The following SSB variants were observed in gnomAD, a reference collection of about 807,000 sequenced individuals.
SSB encodes the protein lupus La protein.
A neutral mutation model predicts 52.9 loss-of-function variants in SSB; 17 were observed. The observed-to-expected ratio is 0.32, with a 90% confidence interval of 0.22 to 0.48. SSB has a LOEUF of 0.48. Among genes scored for constraint, SSB ranks in the 20% least tolerant of loss-of-function variants. The pLI is 0.99. For missense variants in SSB, 314 were observed against 463.6 expected (o/e 0.68, Z 2.96); for synonymous variants, 111 against 152.1 (o/e 0.73, Z 1.99).
chr2:169,806,140 A>G (rs1488927343), intron 4 of SSB: 2 of 333,724 alleles, frequency 6.0e-6, no homozygotes, highest in Non-Finnish European at 1.2e-5. Context: ...CTGGCAAAAA[A>G]TTTTTTGTAG....
rs1558973949 is a variant in SSB, at chr2:169,811,652, AATTGT to A, written c.1139-15_1139-11del. The A allele has an allele frequency of 6.2e-7, 1 of 1,600,876 alleles. No homozygotes were observed. Among genetic ancestry groups the A allele is most frequent in the South Asian group, 1.1e-5 (1 of 88,542 alleles). On this transcript the variant is annotated splice_polypyrimidine_tract_variant and intron_variant, in intron 11 of 11. Transcript: ENST00000260956. ...ACTTACGTTGAATTTAACAAAAATT[AATTGT>A]TACGTTATAGGACCTGTGAAAAGAG...
At position 169,811,969 on chromosome 2, in the gene SSB, A is replaced by G; in HGVS notation, c.*213A>G. 1 of 1,251,756 alleles carries G rather than the reference A, an allele frequency of 8.0e-7. No homozygotes were observed. The highest frequency in any genetic ancestry group is 1.1e-6 in the Non-Finnish European group (1 of 890,800). 77.5% of individuals were successfully genotyped at this position (1,251,756 alleles called of 1,614,324 possible). A position where few individuals can be genotyped will look rare whatever the true frequency, so the allele number is the denominator to read the frequency against. ...TGTTATTTCAGATGATTCAAATATC[A>G]AAAGGAAGATTCTTCCATTAAATTG... is the stretch of plus-strand genomic sequence containing the variant. On this transcript the variant is annotated 3_prime_UTR_variant, in exon 12 of 12. Transcript: ENST00000260956.
In SSB at chr2:169,808,516, AAAC is replaced by A. The variant is rs778215203; in HGVS notation, c.592_594del (p.Gln198del). 2.5e-6 allele frequency: 4 copies of A among 1,613,750 alleles called. No individual in the cohort carries two copies. Among genetic ancestry groups the A allele is most frequent in the Non-Finnish European group, 3.4e-6 (4 of 1,179,738 alleles). On this transcript the variant is annotated inframe_deletion, in exon 7 of 12. Transcript: ENST00000260956. ...CTTTGCCAAAAAAAATGAAGAAAGA[AAAC>A]AAAATAAAGTGGAAGCTAAATTAAG...
At position 169,810,442 on chromosome 2, in the gene SSB, C is replaced by G; in HGVS notation, c.810+19C>G. On this transcript the variant is annotated intron_variant, in intron 9 of 11. Transcript: ENST00000260956. ...AAAAGAGGTTTGGATACATCCCTAT[C>G]CTTTTTAGCAATCAGTTTGAAAATC... The G allele has an allele frequency of 6.4e-7, 1 of 1,571,910 alleles. No homozygotes were observed. Among genetic ancestry groups the G allele is most frequent in the East Asian group, 2.3e-5 (1 of 43,604 alleles).
At chr2:169,803,012 A>G (rs1689743889) in intron 2 of SSB, among the ~76,000 whole-genome samples, 1 of 152,242 alleles carries the variant, frequency 6.6e-6, no homozygotes, top group African/African-American at 2.4e-5. Flanking sequence ...TCTTCAAGGA[A>G]AATTCTTAGA....
chr2:169,810,969 G>A lies in SSB; in HGVS notation c.922G>A (p.Gly308Arg), dbSNP rs1689938399. The stretch of plus-strand genomic sequence containing the variant: ...AGAAGTGACTTGGGAAGTACTAGAA[G>A]GAGAGGTGGAAAAAGAAGCACTGAA... ...NKEVTWEVLEGEVEKEALKKI... is the reference protein window; with the variant it reads ...NKEVTWEVLEREVEKEALKKI... Residue 308 changes from glycine to arginine, a missense_variant, in exon 10 of 12, where the codon GGA becomes AGA. Transcript: ENST00000260956. 1 of 1,613,380 alleles carries A rather than the reference G, an allele frequency of 6.2e-7. No individual in the cohort carries two copies. The highest frequency in any genetic ancestry group is 1.7e-5 in the Admixed American group (1 of 59,914).
chr2:169,811,769 A>G lies in SSB; in HGVS notation c.*13A>G, dbSNP rs200380538. 2,769 of 1,613,018 alleles carry G rather than the reference A, an allele frequency of 1.7e-3. 9 individuals carry two copies. The highest frequency in any genetic ancestry group is 5.1e-3 in the Middle Eastern group (31 of 6,044). On this transcript the variant is annotated 3_prime_UTR_variant, in exon 12 of 12. Coordinates refer to ENST00000260956, the MANE Select transcript of SSB (RefSeq NM_003142.5). ...TGGAGACCAGTAGTTTAGTAAACCA[A>G]TTTTTTATTCATTTTAAATAGGTTT...
In SSB at chr2:169,808,515, A is replaced by G. The variant is rs1285132279; in HGVS notation, c.588A>G (p.Arg196=). The G allele has an allele frequency of 3.7e-6, 6 of 1,613,776 alleles. No homozygotes were observed. The change falls in exon 7 of 12, where the codon AGA becomes AGG. Residue 196 remains arginine (R), a synonymous_variant. Coordinates refer to ENST00000260956, the MANE Select transcript of SSB (RefSeq NM_003142.5). ...ACTTTGCCAAAAAAAATGAAGAAAG[A>G]AAACAAAATAAAGTGGAAGCTAAAT... ...DDYFAKKNEE[R]KQNKVEAKLR...
chr2:169,801,004 C>T lies in SSB; in HGVS notation c.44C>T (p.Ala15Val). 1 of 1,598,354 alleles carries T rather than the reference C, an allele frequency of 6.3e-7. No individual in the cohort carries two copies. Among genetic ancestry groups the T allele is most frequent in the Non-Finnish European group, 8.5e-7 (1 of 1,173,830 alleles). Residue 15 changes from alanine to valine, a missense_variant, in exon 2 of 12, where the codon GCC (alanine) becomes GTC (valine). Coordinates refer to ENST00000260956, the MANE Select transcript of SSB (RefSeq NM_003142.5). Reference sequence around the variant, plus strand: ...AATGAAAAGATGGCTGCCCTGGAGGCCAAAATCTGTCATCAAATTGAGGTA... The same window carrying T: ...AATGAAAAGATGGCTGCCCTGGAGGTCAAAATCTGTCATCAAATTGAGGTA... ...GDNEKMAALE[A>V]KICHQIEYYF...
rs547168396 is a variant in SSB, at chr2:169,809,255, C to A, written c.669+353C>A. Among the ~76,000 whole-genome samples the A allele has an allele frequency of 7.2e-5, 11 of 152,252 alleles. No individual in the cohort carries two copies. In the South Asian group the frequency reaches 1.0e-3, roughly 14 times the overall value. On this transcript the variant is annotated intron_variant, in intron 8 of 11. Transcript: ENST00000260956. ...AATTAGCCAGGCGTGGTGGTGCATG[C>A]CTGTAATCCCAGCTATGTGGGAGGC...
intron 8 of SSB, among the ~76,000 whole-genome samples, chr2:169,809,301 A>T (rs1689895679): frequency 6.6e-6 from 1 of 152,216 alleles, no homozygotes. Context: ...GAATCACTTG[A>T]ACCCAGGAGG....
intron 2 of SSB, among the ~76,000 whole-genome samples, chr2:169,802,155 G>A (rs12615405): frequency 0.058 from 8,851 of 152,170 alleles, 303 homozygotes; most frequent in East Asian, 0.1. Flanking sequence ...CTGCACTCCA[G>A]CCTGGATGAC....
chr2:169,810,743 C>A, intron 9 of SSB, 115 bp from the exon 10 acceptor site: 2 of 1,036,642 alleles, frequency 1.9e-6, no homozygotes, highest in Non-Finnish European at 2.8e-6. Flanking sequence ...AAAATTCATT[C>A]AAACTGGTAA....
rs1280865189 is a variant in SSB, at chr2:169,806,957, C to T, written c.454-14C>T. The T allele has an allele frequency of 1.9e-6, 3 of 1,610,876 alleles. No homozygotes were observed. The highest frequency in any genetic ancestry group is 2.5e-6 in the Non-Finnish European group (3 of 1,179,012). ...GGACATAACTTAAAAAAATATTTTC[C>T]TTCCTTTTTACAGGGATCAATTTTT... On this transcript the variant is annotated splice_polypyrimidine_tract_variant and intron_variant, in intron 5 of 11. Coordinates refer to ENST00000260956, the MANE Select transcript of SSB (RefSeq NM_003142.5).
chr2:169,805,344 A>G, intron 2 of SSB, 130 bp from the exon 3 acceptor site: 1 of 630,026 alleles, frequency 1.6e-6, no homozygotes, highest in Non-Finnish European at 2.7e-6. Context: ...ATTATTGTAT[A>G]TTTGGGGAAA....
rs1449545381 is a variant in SSB at position 169,805,689 on chromosome 2, T to C, written c.195T>C (p.Phe65=). The change falls in exon 4 of 12, where the codon TTT becomes TTC. Residue 65 remains phenylalanine, a synonymous_variant. Coordinates refer to ENST00000260956, the MANE Select transcript of SSB (RefSeq NM_003142.5). ...GGTTGAACCGTCTAACAACAGACTT[T>C]AATGTAATTGTGGAAGCATTGAGCA... is the stretch of plus-strand genomic sequence containing the variant. The part of the protein sequence containing the change: ...FNRLNRLTTD[F]NVIVEALSKS... 1.9e-6 allele frequency: 3 copies of C among 1,614,114 alleles called. No homozygotes were observed. Among genetic ancestry groups the C allele is most frequent in the Admixed American group, 3.3e-5 (2 of 60,024 alleles).
chr2:169,806,626 T>G, intron 4 of SSB, 159 bp from the exon 5 acceptor site: 3 of 574,966 alleles, frequency 5.2e-6, no homozygotes, highest in Non-Finnish European at 6.2e-6. Context: ...TGGAGAGTAG[T>G]GGCTCCTAAA....
chr2:169,811,799 C>T lies in SSB; in HGVS notation c.*43C>T, dbSNP rs766576870. The T allele has an allele frequency of 6.5e-5, 105 of 1,613,516 alleles. No homozygotes were observed. Among genetic ancestry groups the T allele is most frequent in the East Asian group, 4.5e-5 (2 of 44,842 alleles). ...TTATTCATTTTAAATAGGTTTTAAA[C>T]GACTTTTGTTTGCGGGGCTTTTAAA... On this transcript the variant is annotated 3_prime_UTR_variant, in exon 12 of 12. Coordinates refer to ENST00000260956, the MANE Select transcript of SSB (RefSeq NM_003142.5).
intron 1 of SSB, among the ~76,000 whole-genome samples, chr2:169,799,980 C>G (rs1421537839): frequency 6.6e-6 from 1 of 152,170 alleles, no homozygotes; most frequent in African/African-American, 2.4e-5. Context: ...TTCTAGCAAA[C>G]TAATAGCACA....
Sources: gnomAD v4.1 joint callset for allele counts (sites outside exome capture counted in the v4.1 genomes callset) on GRCh38, gnomAD v4.1.1 for gene constraint, MANE v1.5 for transcripts, NCBI Gene and HGNC (gene_info 2026-07-23, HGNC 2026-07-21) for gene names.